Variants in GFRA1 observed in about 807,000 individuals in gnomAD.
GFRA1 encodes GDNF family receptor alpha 1.
In GFRA1, 16 loss-of-function variants were observed where a neutral mutation model predicts 51.6. The observed-to-expected ratio is 0.31, with a 90% confidence interval of 0.21 to 0.47. The LOEUF is 0.47. Among genes scored for constraint, GFRA1 ranks in the 20% least tolerant of loss-of-function variants. The probability of loss-of-function intolerance (pLI) is 1.00; values close to 1 mark genes in which losing one functional copy is unlikely to be tolerated. For synonymous variants in GFRA1, 270 were observed against 241.3 expected, an observed-to-expected ratio of 1.12 and a Z score of -1.10; for missense variants, 530 against 594.3, an observed-to-expected ratio of 0.89 and a Z score of 1.13.
At chr10:116,116,758 G>A (rs956813813) in intron 6 of GFRA1, among the ~76,000 whole-genome samples, 2 of 152,216 alleles carry the variant, frequency 1.3e-5, no homozygotes, top group Admixed American at 6.5e-5. Context: ...GTGTTCAAAA[G>A]GAAATTTGAT....
intron 5 of GFRA1, among the ~76,000 whole-genome samples, chr10:116,192,222 G>T (rs1963335113): frequency 6.6e-6 from 1 of 152,124 alleles, no homozygotes; most frequent in Admixed American, 6.5e-5. Flanking sequence ...GTCTCTATGG[G>T]CCAGGAGTAT....
intron 5 of GFRA1, among the ~76,000 whole-genome samples, chr10:116,150,666 A>G (rs560413149): frequency 1.8e-4 from 28 of 152,344 alleles, no homozygotes; most frequent in South Asian, 1.0e-3. Context: ...GAAACAAAAC[A>G]TCGTTTTATT....
intron 5 of GFRA1, among the ~76,000 whole-genome samples, chr10:116,200,162 T>C (rs1964215180): frequency 6.6e-6 from 1 of 152,230 alleles, no homozygotes; most frequent in South Asian, 2.1e-4. Flanking sequence ...TGAATAAAGC[T>C]GCTATGAAGA....
At chr10:116,099,458 C>A (rs947679448) in intron 6 of GFRA1, among the ~76,000 whole-genome samples, 11 of 152,210 alleles carry the variant, frequency 7.2e-5, no homozygotes, top group African/African-American at 2.4e-4. Flanking sequence ...TCTCCCATCC[C>A]CAGTCACCCT....
intron 6 of GFRA1, among the ~76,000 whole-genome samples, chr10:116,099,758 C>T (rs1278374455): frequency 1.3e-5 from 2 of 151,980 alleles, no homozygotes; most frequent in African/African-American, 4.8e-5. Flanking sequence ...ATCTAGGTGC[C>T]AAGAAAAACA....
At position 116,272,003 on chromosome 10, in the gene GFRA1, C is replaced by T; in HGVS notation, c.27G>A (p.Ala9=). The T allele has an allele frequency of 6.4e-7, 1 of 1,558,136 alleles. No homozygotes were observed. Among genetic ancestry groups the T allele is most frequent in the Non-Finnish European group, 8.7e-7 (1 of 1,151,636 alleles). Residue 9 remains alanine, a synonymous_variant, in exon 2 of 11, where the codon GCG becomes GCA. Coordinates refer to ENST00000355422, the MANE Select transcript of GFRA1 (RefSeq NM_005264.8). This position sits in a 1 kb window ranked among gnomAD's most constrained non-coding sequence, Gnocchi z 4.4. MFLATLYF[A]LPLLDLLLSA... is the part of the protein sequence containing the mutation. ...GCCTCGACTTACCCAAGAGCGGCAG[C>T]GCGAAGTACAGGGTCGCCAGGAACA...
intron 7 of GFRA1, 107 bp from the exon 8 acceptor site, chr10:116,093,943 A>ACCGTG (rs1956466794): frequency 9.4e-7 from 1 of 1,060,414 alleles, no homozygotes; most frequent in South Asian, 1.3e-5. Context: ...GGATAATTAC[A>ACCGTG]GACATTGTAT....
chr10:116,197,934 G>T (rs1218650870), intron 5 of GFRA1, among the ~76,000 whole-genome samples: 1 of 152,198 alleles, frequency 6.6e-6, no homozygotes, highest in Non-Finnish European at 1.5e-5. Context: ...AAGTGAGGGA[G>T]TCACACTGCA....
chr10:116,073,227 T>C (rs773020020), intron 9 of GFRA1, among the ~76,000 whole-genome samples: 14 of 152,212 alleles, frequency 9.2e-5, no homozygotes, highest in Non-Finnish European at 1.5e-4. Flanking sequence ...TTAACACTAA[T>C]GGCAAGATGG....
At chr10:116,066,342 A>T (rs2133772303) in intron 9 of GFRA1, among the ~76,000 whole-genome samples, 1 of 152,270 alleles carries the variant, frequency 6.6e-6, no homozygotes, top group South Asian at 2.1e-4. Context: ...TCAGATGGGC[A>T]TCCTCAAAGA....
chr10:116,269,476 T>C, intron 4 of GFRA1, 27 bp downstream of exon 4: 8 of 1,292,678 alleles, frequency 6.2e-6, no homozygotes, highest in Non-Finnish European at 9.0e-6. Context: ...CACAAAGGCA[T>C]CAGCATGGAA....
At chr10:116,251,926 A>G (rs935309062) in intron 4 of GFRA1, among the ~76,000 whole-genome samples, 1 of 145,914 alleles carries the variant, frequency 6.9e-6, no homozygotes, top group Non-Finnish European at 1.5e-5. Flanking sequence ...TCCATGTTGT[A>G]AAAGCCAGCT....
chr10:116,194,403 T>C (rs960927853), intron 5 of GFRA1, among the ~76,000 whole-genome samples: 1 of 152,220 alleles, frequency 6.6e-6, no homozygotes, highest in Non-Finnish European at 1.5e-5. Context: ...TGTCTGCAGA[T>C]GAACCCAGTA....
At chr10:116,103,165 G>C (rs1473552825) in intron 6 of GFRA1, among the ~76,000 whole-genome samples, 1 of 152,160 alleles carries the variant, frequency 6.6e-6, no homozygotes, top group Non-Finnish European at 1.5e-5. Context: ...CACCAGTGCT[G>C]TGGTGCCATA....
At chr10:116,250,417 T>G (rs2134688711) in intron 4 of GFRA1, among the ~76,000 whole-genome samples, 1 of 152,302 alleles carries the variant, frequency 6.6e-6, no homozygotes, top group Middle Eastern at 3.4e-3. Context: ...AAGTAAGGAC[T>G]TGATGATGAA....
At chr10:116,082,643 C>T (rs1955901924) in intron 9 of GFRA1, among the ~76,000 whole-genome samples, 1 of 152,016 alleles carries the variant, frequency 6.6e-6, no homozygotes, top group South Asian at 2.1e-4. Flanking sequence ...ACCATGCTGG[C>T]TAATTTTGTA....
At position 116,206,169 on chromosome 10, in the gene GFRA1, A is replaced by T. The variant is rs544769883; in HGVS notation, c.433+5462T>A. On this transcript the variant is annotated intron_variant, in intron 5 of 10. Coordinates refer to ENST00000355422, the MANE Select transcript of GFRA1 (RefSeq NM_005264.8). ...ATTTCCTAGTTTGCCATCACATAAC[A>T]ACTTGGAATGTTTACCTGGAAGTGG... Among the ~76,000 whole-genome samples the T allele has an allele frequency of 3.3e-5, 5 of 152,254 alleles. No individual in the cohort carries two copies. The East Asian group carries it at 9.6e-4, about 29-fold the overall frequency.
At chr10:116,269,414 A>T in intron 4 of GFRA1, 89 bp downstream of exon 4, 1 of 796,402 alleles carries the variant, frequency 1.3e-6, no homozygotes, top group Non-Finnish European at 2.3e-6. Flanking sequence ...TCAACTATCT[A>T]CTTATATGCT....
chr10:116,155,987 G>A (rs1432045260), intron 5 of GFRA1, among the ~76,000 whole-genome samples: 2 of 152,236 alleles, frequency 1.3e-5, no homozygotes, highest in Non-Finnish European at 2.9e-5. Context: ...GTGCAGGCCT[G>A]AGTGGCCCAT....
Sources: allele counts gnomAD v4.1 joint callset (sites outside exome capture counted in the v4.1 genomes callset), GRCh38; gene constraint gnomAD v4.1.1; non-coding constraint Gnocchi (gnomAD v3.1); transcripts MANE v1.5; gene names NCBI Gene and HGNC (gene_info 2026-07-23, HGNC 2026-07-21).